The following MRPS28 variants were observed in gnomAD, a reference collection of about 807,000 sequenced individuals.
The protein encoded by MRPS28 is small ribosomal subunit protein bS1m.
Under a neutral mutation model 10.8 loss-of-function variants are expected in MRPS28, and 7 were observed. That is an observed-to-expected ratio of 0.65 (90% CI 0.37 to 1.22). The LOEUF (loss-of-function observed/expected upper bound fraction) is 1.22. Among genes scored for constraint, MRPS28 ranks in the 50% most tolerant of loss-of-function variants. The probability of loss-of-function intolerance (pLI) is 0.02; values close to 1 mark genes in which losing one functional copy is unlikely to be tolerated. For synonymous variants in MRPS28, 121 were observed against 93.3 expected (o/e 1.30, Z -1.71); for missense variants, 265 against 232.9 (o/e 1.14, Z -0.90).
intron 2 of MRPS28, among the ~76,000 whole-genome samples, chr8:79,935,274 T>C (rs971624032): frequency 6.6e-6 from 1 of 152,216 alleles, no homozygotes; most frequent in Non-Finnish European, 1.5e-5. Flanking sequence ...ACTAGTACTG[T>C]ATGGCTGCCA....
chr8:80,002,962 G>A (rs774932525), intron 2 of MRPS28, 37 bp downstream of exon 2: 3 of 1,443,578 alleles, frequency 2.1e-6, no homozygotes, highest in South Asian at 1.6e-5. Context: ...CAACTTTTAT[G>A]AATACTCTTA....
intron 2 of MRPS28, among the ~76,000 whole-genome samples, chr8:79,975,315 A>C (rs1807764671): frequency 6.6e-6 from 1 of 152,168 alleles, no homozygotes; most frequent in South Asian, 2.1e-4. Flanking sequence ...TAATTAATTA[A>C]TTAACACTGA....
intron 2 of MRPS28, among the ~76,000 whole-genome samples, chr8:79,972,825 T>C (rs1332916486): frequency 2.0e-5 from 3 of 152,206 alleles, no homozygotes; most frequent in Non-Finnish European, 4.4e-5. Flanking sequence ...TTTCCTTAAT[T>C]GCTGAAATCA....
At chr8:80,011,190 C>G (rs1218061800) in intron 1 of MRPS28, among the ~76,000 whole-genome samples, 2 of 145,428 alleles carry the variant, frequency 1.4e-5, no homozygotes, top group Non-Finnish European at 3.0e-5. Flanking sequence ...TAATCCTTTG[C>G]TGGGAGCCAT....
intron 2 of MRPS28, among the ~76,000 whole-genome samples, chr8:79,987,822 G>A (rs528299230): frequency 8.5e-5 from 13 of 152,316 alleles, no homozygotes; most frequent in Non-Finnish European, 1.5e-4. Flanking sequence ...CTTTTACACG[G>A]TTGGTGGGAC....
At chr8:80,023,536 AC>A (rs1809426201) in intron 1 of MRPS28, among the ~76,000 whole-genome samples, 1 of 152,196 alleles carries the variant, frequency 6.6e-6, no homozygotes, top group Admixed American at 6.5e-5. Context: ...AAAAATATTC[AC>A]AAAAAAGTAA....
intron 1 of MRPS28, among the ~76,000 whole-genome samples, chr8:80,005,228 G>A (rs1808797918): frequency 6.6e-6 from 1 of 152,132 alleles, no homozygotes. Context: ...GTTAAGGGCA[G>A]CCAGAGAGAA....
chr8:79,947,182 G>A (rs910249321), intron 2 of MRPS28, among the ~76,000 whole-genome samples: 4 of 152,102 alleles, frequency 2.6e-5, no homozygotes, highest in Middle Eastern at 3.2e-3. Context: ...AGCCAACACT[G>A]GCAGTAACAA....
chr8:79,967,520 T>C (rs1022094867), intron 2 of MRPS28, among the ~76,000 whole-genome samples: 1 of 152,162 alleles, frequency 6.6e-6, no homozygotes, highest in Non-Finnish European at 1.5e-5. Context: ...TGACCACTGC[T>C]TGGGTAGCAA....
chr8:79,924,688 C>A (rs1810187957), intron 2 of MRPS28, among the ~76,000 whole-genome samples: 1 of 152,148 alleles, frequency 6.6e-6, no homozygotes, highest in Non-Finnish European at 1.5e-5. Context: ...ATATAAAACA[C>A]TGTAATAATC....
At chr8:79,999,388 G>C (rs1808594946) in intron 2 of MRPS28, among the ~76,000 whole-genome samples, 1 of 152,194 alleles carries the variant, frequency 6.6e-6, no homozygotes, top group East Asian at 1.9e-4. Context: ...CACAAATTTT[G>C]TTTTAGATAT....
At chr8:79,974,498 G>A (rs960019644) in intron 2 of MRPS28, among the ~76,000 whole-genome samples, 2 of 151,338 alleles carry the variant, frequency 1.3e-5, no homozygotes, top group Admixed American at 6.6e-5. Flanking sequence ...CCGAGATTTC[G>A]CCACTATATT....
At chr8:79,996,020 T>C (rs1357378804) in intron 2 of MRPS28, among the ~76,000 whole-genome samples, 6 of 152,124 alleles carry the variant, frequency 3.9e-5, no homozygotes, top group Non-Finnish European at 7.4e-5. Context: ...TGATACAATA[T>C]AGAAATTAAT....
chr8:79,940,728 A>G (rs965573948), intron 2 of MRPS28, among the ~76,000 whole-genome samples: 5 of 152,208 alleles, frequency 3.3e-5, no homozygotes, highest in Non-Finnish European at 7.3e-5. Flanking sequence ...TACATTTTAA[A>G]TGCTGGGTGA....
rs200122760 is a variant in MRPS28 at position 79,926,141 on chromosome 8, G to GA, written c.396-6994dup. Among the ~76,000 whole-genome samples the GA allele has an allele frequency of 8.8e-3, 1,327 of 151,476 alleles. 27 individuals are homozygous for GA. Among genetic ancestry groups the GA allele is most frequent in the African/African-American group, 0.03 (1,256 of 41,256 alleles). The stretch of plus-strand genomic sequence containing the variant: ...TATGAATACATACATATGGAAAGGG[G>GA]AAAAAAAACCAAAGAAACAGAAGGA... On this transcript the variant is annotated intron_variant, in intron 2 of 2. Transcript: ENST00000276585.
chr8:79,984,191 G>C (rs1040179885), intron 2 of MRPS28, among the ~76,000 whole-genome samples: 25 of 152,112 alleles, frequency 1.6e-4, no homozygotes, highest in African/African-American at 6.0e-4. Context: ...ATAAGTGAAG[G>C]ACAAATAAAA....
At chr8:79,925,956 A>G (rs901652677) in intron 2 of MRPS28, among the ~76,000 whole-genome samples, 1 of 151,434 alleles carries the variant, frequency 6.6e-6, no homozygotes, top group Non-Finnish European at 1.5e-5. Context: ...CACTACACTC[A>G]GGCCTGGGTG....
intron 2 of MRPS28, among the ~76,000 whole-genome samples, chr8:79,959,859 T>C (rs1807329032): frequency 1.3e-5 from 2 of 152,304 alleles, no homozygotes; most frequent in South Asian, 4.1e-4. Flanking sequence ...CATAATCTTA[T>C]AAGCCAATAT....
At chr8:79,944,225 C>T (rs899298553) in intron 2 of MRPS28, among the ~76,000 whole-genome samples, 2 of 151,990 alleles carry the variant, frequency 1.3e-5, no homozygotes, top group Non-Finnish European at 2.9e-5. Flanking sequence ...ATGTTTTTTC[C>T]TTATGGATGA....
Sources: gnomAD v4.1 joint callset for allele counts (sites outside exome capture counted in the v4.1 genomes callset) on GRCh38, gnomAD v4.1.1 for gene constraint, MANE v1.5 for transcripts, NCBI Gene and HGNC (gene_info 2026-07-23, HGNC 2026-07-21) for gene names.